Variants in PDE1A observed in about 807,000 individuals in gnomAD.
The protein encoded by PDE1A is phosphodiesterase 1A, also known as dual specificity calcium/calmodulin-dependent 3',5'-cyclic nucleotide phosphodiesterase 1A.
In PDE1A, 35 loss-of-function variants were observed where a neutral mutation model predicts 61.7. The ratio of observed to expected loss-of-function variants is 0.57; its 90% CI spans 0.43 to 0.75. The LOEUF (loss-of-function observed/expected upper bound fraction) is 0.75, where lower values mean the gene tolerates loss of function less well. Among genes scored for constraint, PDE1A ranks in the 30% least tolerant of loss-of-function variants. PDE1A has a pLI of 0.00. For synonymous variants in PDE1A, 232 were observed against 213.2 expected (o/e 1.09, Z -0.77); for missense variants, 597 against 630.6 (o/e 0.95, Z 0.57).
At chr2:182,601,539 G>T in the PDE1A span, among the ~76,000 whole-genome samples, 1 of 152,204 alleles carries the variant, frequency 6.6e-6, no homozygotes, top group African/African-American at 2.4e-5. Context: ...CATTTGGTGG[G>T]CCCCAAGTTC....
chr2:182,446,622 G>A (rs927128192), intron 2 of PDE1A, among the ~76,000 whole-genome samples: 9 of 152,096 alleles, frequency 5.9e-5, no homozygotes, highest in African/African-American at 2.2e-4. Flanking sequence ...TGGAAATGGA[G>A]AGAACAATTA....
chr2:182,434,342 G>C (rs1704103321), intron 2 of PDE1A, among the ~76,000 whole-genome samples: 1 of 152,016 alleles, frequency 6.6e-6, no homozygotes, highest in African/African-American at 2.4e-5. Context: ...CAAATACAAT[G>C]GCATCTTGGT....
chr2:182,542,628 G>T, the PDE1A span, among the ~76,000 whole-genome samples: 1 of 151,620 alleles, frequency 6.6e-6, no homozygotes, highest in South Asian at 2.1e-4. Context: ...TATTTTATTA[G>T]GCAATAAAAT....
chr2:182,529,086 C>A, the PDE1A span, among the ~76,000 whole-genome samples: 1 of 152,090 alleles, frequency 6.6e-6, no homozygotes, highest in Non-Finnish European at 1.5e-5. Flanking sequence ...GGGCCACCGT[C>A]CTCCAGACCC....
the PDE1A span, among the ~76,000 whole-genome samples, chr2:182,590,370 A>G: frequency 6.6e-6 from 1 of 152,120 alleles, no homozygotes; most frequent in East Asian, 1.9e-4. Context: ...CAGTAGACTG[A>G]GGTGGAAGGA....
chr2:182,186,526 C>G (rs770797449), exon 12 of PDE1A: 2 of 1,612,848 alleles, frequency 1.2e-6, no homozygotes, highest in Non-Finnish European at 1.7e-6. Context: ...AGAGGAATAA[C>G]AATTTTCTCT....
rs1370309606 is a variant in PDE1A, at chr2:182,242,783, C to T, written c.168-2491G>A. Among the ~76,000 whole-genome samples, 3 of 152,116 alleles carry T rather than the reference C, an allele frequency of 2.0e-5. No homozygotes were observed. In the East Asian group the frequency reaches 5.8e-4, roughly 29 times the overall value. The stretch of plus-strand genomic sequence containing the variant: ...ACTCCTGCCAGGGTTTCCAGCCTGC[C>T]AGTTTGCTTTGCAAATTTCAGACTT... On this transcript the variant is annotated intron_variant, in intron 2 of 13. Coordinates refer to ENST00000351439, the Ensembl canonical transcript of PDE1A.
chr2:182,177,747 CT>C (rs1180883955), intron 13 of PDE1A, among the ~76,000 whole-genome samples: 2 of 143,888 alleles, frequency 1.4e-5, no homozygotes, highest in Admixed American at 6.8e-5. Context: ...AAAAAAATGT[CT>C]TTTTTGTTGC....
intron 1 of PDE1A, among the ~76,000 whole-genome samples, chr2:182,358,736 T>A (rs1028770147): frequency 1.3e-5 from 2 of 152,322 alleles, no homozygotes; most frequent in South Asian, 4.1e-4. Context: ...ATAAATCCAT[T>A]TGATTCTCAT....
At chr2:182,392,234 AAGG>A (rs1169795843) in intron 1 of PDE1A, among the ~76,000 whole-genome samples, 1 of 152,162 alleles carries the variant, frequency 6.6e-6, no homozygotes, top group Non-Finnish European at 1.5e-5. Context: ...GCAGAAGGCA[AAGG>A]AGGAACAAAG....
intron 2 of PDE1A, among the ~76,000 whole-genome samples, chr2:182,440,581 T>C: frequency 6.7e-6 from 1 of 148,158 alleles, no homozygotes; most frequent in Non-Finnish European, 1.5e-5. Flanking sequence ...TTCTGCATTA[T>C]TAAAACAAGA....
At chr2:182,388,786 G>A (rs893249725) in intron 1 of PDE1A, among the ~76,000 whole-genome samples, 2 of 151,674 alleles carry the variant, frequency 1.3e-5, no homozygotes, top group African/African-American at 4.8e-5. Context: ...TAAAGTATAT[G>A]GAAGGAAGTA....
At chr2:182,264,075 T>C (rs1357236601) in intron 2 of PDE1A, among the ~76,000 whole-genome samples, 1 of 152,174 alleles carries the variant, frequency 6.6e-6, no homozygotes, top group Non-Finnish European at 1.5e-5. Flanking sequence ...TGTTTGACTA[T>C]CTTATGACAT....
chr2:182,546,723 C>T, the PDE1A span, among the ~76,000 whole-genome samples: 1 of 152,108 alleles, frequency 6.6e-6, no homozygotes, highest in African/African-American at 2.4e-5. Context: ...TCTTCCTTGC[C>T]AAACCAATAC....
chr2:182,625,260 T>C, the PDE1A span, among the ~76,000 whole-genome samples: 1 of 152,204 alleles, frequency 6.6e-6, no homozygotes, highest in Non-Finnish European at 1.5e-5. Context: ...CATTCTATGG[T>C]ATTTTGTTAT....
chr2:182,504,783 T>C (rs2125926858), intron 2 of PDE1A, among the ~76,000 whole-genome samples: 1 of 152,328 alleles, frequency 6.6e-6, no homozygotes, highest in East Asian at 1.9e-4. Flanking sequence ...AGAACAAAAA[T>C]TAAGTGACAG....
chr2:182,223,772 CTTT>C (rs1169078273), intron 7 of PDE1A, 89 bp downstream of exon 7: 3 of 702,990 alleles, frequency 4.3e-6, no homozygotes, highest in Non-Finnish European at 6.9e-6. Context: ...TTATTAGAAT[CTTT>C]ATTATTTTTT....
At chr2:182,483,724 A>G (rs1024999670) in intron 2 of PDE1A, among the ~76,000 whole-genome samples, 1 of 151,846 alleles carries the variant, frequency 6.6e-6, no homozygotes, top group Non-Finnish European at 1.5e-5. Context: ...CTACTTTAAG[A>G]GCCTAGGAAA....
the PDE1A span, among the ~76,000 whole-genome samples, chr2:182,652,592 TG>T: frequency 2.0e-5 from 3 of 152,118 alleles, no homozygotes; most frequent in Admixed American, 6.5e-5. Flanking sequence ...GGATGTGAGG[TG>T]GGGCACATCC....
Sources: allele counts gnomAD v4.1 joint callset (sites outside exome capture counted in the v4.1 genomes callset), GRCh38; gene constraint gnomAD v4.1.1; transcripts MANE v1.5; gene names NCBI Gene and HGNC (gene_info 2026-07-23, HGNC 2026-07-21).